The following UPF3B variants were observed in gnomAD, a reference collection of about 807,000 sequenced individuals.
UPF3B encodes regulator of nonsense transcripts 3B.
A neutral mutation model predicts 40.3 loss-of-function variants in UPF3B; 7 were observed. The ratio of observed to expected loss-of-function variants is 0.17; its 90% CI spans 0.10 to 0.33. The LOEUF is 0.33. UPF3B is among the 10% of genes least tolerant of loss of function. UPF3B has a pLI of 1.00. For missense variants in UPF3B, 229 were observed against 358.9 expected (o/e 0.64, Z 2.93); for synonymous variants, 117 against 117.3 (o/e 1.00, Z 0.01).
intron 3 of UPF3B, among the ~76,000 whole-genome samples, chrX:119,850,883 C>T (rs2056295266): frequency 8.9e-6 from 1 of 111,888 alleles, no homozygotes; most frequent in African/African-American, 3.2e-5. Context: ...GGATTACAGG[C>T]GTGGACCGCC....
At chrX:119,816,455 AG>A (rs2055866137) in intron 4 of UPF3B, among the ~76,000 whole-genome samples, 1 of 111,622 alleles carries the variant, frequency 9.0e-6, no homozygotes, top group Non-Finnish European at 1.9e-5. Context: ...CCCTGACCCC[AG>A]GGCCTGGCAC....
intron 10 of UPF3B, among the ~76,000 whole-genome samples, chrX:119,836,570 A>G (rs2056094691): frequency 9.1e-6 from 1 of 109,755 alleles, no homozygotes; most frequent in Admixed American, 9.9e-5. Flanking sequence ...TAGTAGGGGT[A>G]GGGATGAAGT....
chrX:119,814,668 A>C (rs2055848328), intron 5 of UPF3B, among the ~76,000 whole-genome samples: 1 of 111,755 alleles, frequency 8.9e-6, no homozygotes. Context: ...TATGTGATGA[A>C]GTCCTCACTT....
rs757875178 is a variant in UPF3B, at chrX:119,851,518, C to A, written c.347G>T (p.Gly116Val). The A allele has an allele frequency of 8.3e-7, 1 of 1,206,197 alleles. No homozygotes were observed. Among genetic ancestry groups the A allele is most frequent in the Non-Finnish European group, 1.1e-6 (1 of 890,729 alleles). The change falls in exon 3 of 11, where the codon GGT becomes GTT. Residue 116 changes from glycine to valine, a missense_variant. Transcript: ENST00000276201. ...DIILFRDRFD[G>V]YVFLDNKGQE... is the part of the protein sequence containing the mutation. Reference sequence around the variant, plus strand: ...ACCTTTATTGTCAAGGAATACATAACCATCAAAGCGATCCCTGAACAAAAT... The same window carrying A: ...ACCTTTATTGTCAAGGAATACATAAACATCAAAGCGATCCCTGAACAAAAT...
intron 3 of UPF3B, among the ~76,000 whole-genome samples, 166 bp downstream of exon 3, chrX:119,851,329 T>C (rs986607075): frequency 9.5e-6 from 1 of 105,141 alleles, no homozygotes; most frequent in African/African-American, 4.1e-5. Flanking sequence ...AAAAAAATAG[T>C]AGGTTAATAA....
downstream of UPF3B, chrX:119,831,644 C>T (rs2056038533): frequency 1.4e-6 from 1 of 737,919 alleles, no homozygotes; most frequent in Non-Finnish European, 1.6e-6. Flanking sequence ...ACAGCTAATA[C>T]TACTTTCCTG....
intron 10 of UPF3B, 117 bp downstream of exon 10, chrX:119,837,635 AGTTGC>A: frequency 2.9e-6 from 2 of 679,817 alleles, no homozygotes; most frequent in Non-Finnish European, 2.2e-6. Context: ...AAAAAAAAAA[AGTTGC>A]AGATGATTAA....
chrX:119,849,548 C>CA (rs1428784748), intron 3 of UPF3B, among the ~76,000 whole-genome samples: 2 of 105,839 alleles, frequency 1.9e-5, no homozygotes, highest in African/African-American at 6.9e-5. Context: ...AAATAAAAAC[C>CA]AAAAAACAAA....
chrX:119,812,167 T>A (rs2147753338), intron 5 of UPF3B, among the ~76,000 whole-genome samples: 1 of 110,512 alleles, frequency 9.0e-6, no homozygotes, highest in African/African-American at 3.3e-5. Flanking sequence ...GAAGGAGAAT[T>A]TCTTCAACTC....
intron 5 of UPF3B, among the ~76,000 whole-genome samples, chrX:119,809,070 TCA>T (rs985826419): frequency 2.7e-5 from 3 of 112,140 alleles, no homozygotes; most frequent in African/African-American, 9.7e-5. Flanking sequence ...TTTAATTGAC[TCA>T]CAGTTTCGAA....
chrX:119,841,574 G>A (rs1166718077), intron 6 of UPF3B, among the ~76,000 whole-genome samples, 161 bp downstream of exon 6: 2 of 112,265 alleles, frequency 1.8e-5, no homozygotes, highest in Non-Finnish European at 3.8e-5. Flanking sequence ...CCAGAGTGAA[G>A]GAGCAGGCTA....
chrX:119,841,856 A>G, intron 5 of UPF3B, 78 bp from the exon 6 acceptor site: 1 of 892,315 alleles, frequency 1.1e-6, no homozygotes, highest in Non-Finnish European at 1.6e-6. Context: ...TTCCCTGCCA[A>G]CCACCCAAGG....
intron 4 of UPF3B, among the ~76,000 whole-genome samples, chrX:119,820,240 T>A (rs1330798221): frequency 1.8e-5 from 2 of 111,120 alleles, no homozygotes; most frequent in African/African-American, 6.5e-5. Context: ...GCCTCCCGAG[T>A]TGAAGTGATT....
At chrX:119,848,047 A>T (rs2056256137) in intron 3 of UPF3B, among the ~76,000 whole-genome samples, 1 of 109,998 alleles carries the variant, frequency 9.1e-6, no homozygotes, top group African/African-American at 3.3e-5. Flanking sequence ...TGGGAGGCTG[A>T]GGCAGGCATG....
At chrX:119,838,337 A>G (rs1382751814) in intron 9 of UPF3B, 30 bp downstream of exon 9, 2 of 1,204,337 alleles carry the variant, frequency 1.7e-6, no homozygotes, top group African/African-American at 3.5e-5. Flanking sequence ...TGTATAAATC[A>G]AACATAACAA....
At chrX:119,811,947 A>T (rs917970859) in intron 5 of UPF3B, among the ~76,000 whole-genome samples, 2 of 109,107 alleles carry the variant, frequency 1.8e-5, no homozygotes, top group African/African-American at 6.7e-5. Context: ...CAGAAACCTT[A>T]CCTCAAAAGA....
In UPF3B at chrX:119,824,537, A is replaced by G. The variant is rs189694315; in HGVS notation, c.393-1494T>C. Among the ~76,000 whole-genome samples, 120 of 109,785 alleles carry G rather than the reference A, an allele frequency of 1.1e-3. 1 individual carries two copies. The highest frequency in any genetic ancestry group is 3.3e-3 in the African/African-American group (100 of 30,208). ...CTAGACAAAGAGGCAAGGGATGTCA[A>G]CTCATGCCTGGTGGTTCAGGAGAAT... On this transcript the variant is annotated intron_variant, in intron 3 of 6. Coordinates refer to the UPF3B transcript ENST00000636792.
intron 10 of UPF3B, among the ~76,000 whole-genome samples, chrX:119,837,068 C>T (rs1215203557): frequency 9.3e-6 from 1 of 107,975 alleles, no homozygotes; most frequent in Admixed American, 1.0e-4. Flanking sequence ...CTCAGCCTCC[C>T]GAGTAGCTGA....
Position 119,837,975 on chromosome X carries a change from C to T in UPF3B, c.1084G>A (p.Glu362Lys). The change falls in exon 10 of 11, where the codon GAA (glutamate) becomes AAA (lysine). Residue 362 changes from glutamate (E) to lysine (K), a missense_variant. Glu to Lys is a moderately conservative substitution (Grantham distance 56). Coordinates refer to ENST00000276201, the MANE Select transcript of UPF3B (RefSeq NM_080632.3). ...YERDQERILR[E>K]RERLKRQEEE... Reference sequence around the variant, plus strand: ...TCTTGCCGCTTCAGCCTCTCTCTTTCTCGAAGTATGCGCTCCTGATCTCGT... The same window carrying T: ...TCTTGCCGCTTCAGCCTCTCTCTTTTTCGAAGTATGCGCTCCTGATCTCGT... The T allele has an allele frequency of 8.3e-7, 1 of 1,211,244 alleles. No individual in the cohort carries two copies. Among genetic ancestry groups the T allele is most frequent in the East Asian group, 3.0e-5 (1 of 33,856 alleles).
Sources: gnomAD v4.1 joint callset for allele counts (sites outside exome capture counted in the v4.1 genomes callset) on GRCh38, gnomAD v4.1.1 for gene constraint, MANE v1.5 for transcripts, NCBI Gene and HGNC (gene_info 2026-07-23, HGNC 2026-07-21) for gene names.